The following MAN1C1 variants were observed in gnomAD, a reference collection of about 807,000 sequenced individuals.
MAN1C1 encodes the protein mannosyl-oligosaccharide 1,2-alpha-mannosidase IC.
Under a neutral mutation model 71.5 loss-of-function variants are expected in MAN1C1, and 49 were observed. That is an observed-to-expected ratio of 0.69 (90% CI 0.54 to 0.87). The LOEUF (loss-of-function observed/expected upper bound fraction) is 0.87, where lower values mean the gene tolerates loss of function less well. MAN1C1 is among the 40% of genes least tolerant of loss of function. The pLI is 0.00. For missense variants in MAN1C1, 743 were observed against 835.0 expected (o/e 0.89, Z 1.36); for synonymous variants, 352 against 343.7 (o/e 1.02, Z -0.27).
intron 1 of MAN1C1, among the ~76,000 whole-genome samples, chr1:25,656,888 C>G (rs150137840): frequency 6.6e-6 from 1 of 151,264 alleles, no homozygotes; most frequent in South Asian, 2.1e-4. Context: ...TGCAGTGGCG[C>G]GATCTTGACT....
chr1:25,699,947 C>T (rs964261253), intron 2 of MAN1C1, among the ~76,000 whole-genome samples: 9 of 152,128 alleles, frequency 5.9e-5, no homozygotes, highest in Admixed American at 2.6e-4. Flanking sequence ...CAAGCATAAA[C>T]GGTCAGCATG....
chr1:25,740,683 G>A (rs975991656), intron 2 of MAN1C1, among the ~76,000 whole-genome samples: 5 of 152,204 alleles, frequency 3.3e-5, no homozygotes, highest in South Asian at 4.1e-4. Context: ...TGATCCACCC[G>A]CCTTGGCCTC....
At position 25,764,989 on chromosome 1, in the gene MAN1C1, A is replaced by C. The variant is rs376356570; in HGVS notation, c.1141+1022A>C. On this transcript the variant is annotated intron_variant, in intron 7 of 11. Coordinates refer to ENST00000374332, the MANE Select transcript of MAN1C1 (RefSeq NM_020379.4). The surrounding 1 kb of genome is among the most constrained non-coding windows in gnomAD (Gnocchi z 4.4). ...CTTGAACCCGGGAGGCGGAGGTTGC[A>C]GTGAGCCAAGACCGCACCACTGCAC... 9.9e-5 allele frequency among the ~76,000 whole-genome samples: 15 copies of C among 152,200 alleles called. No individual in the cohort carries two copies. The highest frequency in any genetic ancestry group is 3.6e-4 in the African/African-American group (15 of 41,560).
At chr1:25,767,605 CACAT>C (rs1371320916) in intron 7 of MAN1C1, among the ~76,000 whole-genome samples, 5 of 135,116 alleles carry the variant, frequency 3.7e-5, no homozygotes, top group Admixed American at 7.5e-5. Flanking sequence ...ACACTACCCT[CACAT>C]ACATCCACAC....
intron 1 of MAN1C1, among the ~76,000 whole-genome samples, chr1:25,668,167 T>G (rs977363987): frequency 3.3e-5 from 5 of 152,150 alleles, no homozygotes; most frequent in Non-Finnish European, 5.9e-5. Context: ...AGGCTATAAA[T>G]GGGAAACGAG....
intron 2 of MAN1C1, among the ~76,000 whole-genome samples, chr1:25,728,602 G>A (rs2046866638): frequency 6.6e-6 from 1 of 152,134 alleles, no homozygotes; most frequent in Admixed American, 6.5e-5. Context: ...GGCACTCAGG[G>A]TGATGGAGGC....
At chr1:25,744,377 A>G (rs1032435643) in intron 2 of MAN1C1, among the ~76,000 whole-genome samples, 1 of 152,212 alleles carries the variant, frequency 6.6e-6, no homozygotes, top group African/African-American at 2.4e-5. Context: ...CTTCTTAAGC[A>G]TGGGAGGGGC....
rs2046966770 is a variant in MAN1C1 at position 25,735,234 on chromosome 1, A to C, written c.638-11434A>C. 6.6e-6 allele frequency among the ~76,000 whole-genome samples: 1 copy of C among 152,192 alleles called. No individual in the cohort carries two copies. Among genetic ancestry groups the C allele is most frequent in the Non-Finnish European group, 1.5e-5 (1 of 68,028 alleles). On this transcript the variant is annotated intron_variant, in intron 2 of 11. Coordinates refer to ENST00000374332, the MANE Select transcript of MAN1C1 (RefSeq NM_020379.4). This position sits in a 1 kb window ranked among gnomAD's most constrained non-coding sequence, Gnocchi z 4.6. ...GGAGTTTGAGACAAGCCTGGCCAAC[A>C]TGGCGAATCCCCACCTCTGCCAAAA...
chr1:25,773,694 A>G (rs2047583678), intron 8 of MAN1C1, among the ~76,000 whole-genome samples: 1 of 152,366 alleles, frequency 6.6e-6, no homozygotes, highest in Admixed American at 6.5e-5. Flanking sequence ...TAGTTGAGCC[A>G]TCAAGGGAAG....
intron 1 of MAN1C1, among the ~76,000 whole-genome samples, chr1:25,640,595 T>TA (rs1397361605): frequency 1.3e-5 from 2 of 152,216 alleles, no homozygotes. Flanking sequence ...GAACAGCCTA[T>TA]AAAATAGAAT....
At chr1:25,736,563 G>A (rs2046985728) in intron 2 of MAN1C1, among the ~76,000 whole-genome samples, 3 of 152,270 alleles carry the variant, frequency 2.0e-5, no homozygotes, top group African/African-American at 7.2e-5. Context: ...GTCTTGCTCT[G>A]TCGCCCAGGC....
At chr1:25,687,824 G>C (rs1212590701) in intron 2 of MAN1C1, among the ~76,000 whole-genome samples, 1 of 151,896 alleles carries the variant, frequency 6.6e-6, no homozygotes, top group East Asian at 1.9e-4. Flanking sequence ...TCAAAAAAGT[G>C]CAAATCAGGC....
chr1:25,780,885 G>A (rs1156511269), intron 9 of MAN1C1, 55 bp from the exon 10 acceptor site: 11 of 1,580,152 alleles, frequency 7.0e-6, no homozygotes, highest in Middle Eastern at 2.0e-4. Flanking sequence ...CCTGGATCCC[G>A]AAAAGCAGGA....
chr1:25,641,252 G>A (rs555469506), intron 1 of MAN1C1, among the ~76,000 whole-genome samples: 1 of 152,342 alleles, frequency 6.6e-6, no homozygotes, highest in African/African-American at 2.4e-5. Context: ...GGCATACAGA[G>A]CATGGGCTGT....
intron 1 of MAN1C1, among the ~76,000 whole-genome samples, chr1:25,683,216 T>C (rs983784999): frequency 1.3e-5 from 2 of 152,156 alleles, no homozygotes; most frequent in African/African-American, 4.8e-5. Flanking sequence ...CCCTTTCTTG[T>C]GCCCCTCATA....
At chr1:25,695,961 A>G (rs1175283088) in intron 2 of MAN1C1, among the ~76,000 whole-genome samples, 1 of 152,088 alleles carries the variant, frequency 6.6e-6, no homozygotes, top group African/African-American at 2.4e-5. Context: ...TTCATTTCGA[A>G]GGGGGTATTG....
chr1:25,777,270 C>T (rs2047631028), intron 8 of MAN1C1, among the ~76,000 whole-genome samples: 1 of 152,190 alleles, frequency 6.6e-6, no homozygotes, highest in South Asian at 2.1e-4. Context: ...AGCCATGGGC[C>T]AGGCCCCACC....
intron 1 of MAN1C1, among the ~76,000 whole-genome samples, chr1:25,635,745 C>G (rs1268791578): frequency 6.6e-6 from 1 of 152,056 alleles, no homozygotes; most frequent in Non-Finnish European, 1.5e-5. Context: ...CACTATACCC[C>G]ACCTCATTTT....
chr1:25,754,426 G>A (rs2047257942), intron 5 of MAN1C1, among the ~76,000 whole-genome samples: 1 of 152,072 alleles, frequency 6.6e-6, no homozygotes, highest in African/African-American at 2.4e-5. Context: ...CCTTTCTCTG[G>A]TCTTGCAAAA....
Sources: gnomAD v4.1 joint callset for allele counts (sites outside exome capture counted in the v4.1 genomes callset) on GRCh38, gnomAD v4.1.1 for gene constraint, Gnocchi (gnomAD v3.1) non-coding constraint, MANE v1.5 for transcripts, NCBI Gene and HGNC (gene_info 2026-07-23, HGNC 2026-07-21) for gene names.